SHF: variants seen among roughly 807,000 people sequenced by gnomAD.
SHF encodes the protein Src homology 2 domain containing F.
SHF carries 30 observed loss-of-function variants against 42.4 expected under a neutral mutation model. The ratio of observed to expected loss-of-function variants is 0.71; its 90% CI spans 0.53 to 0.96. The LOEUF (loss-of-function observed/expected upper bound fraction) is 0.96. Ranked by LOEUF, SHF falls within the 40% of genes least tolerant of loss-of-function variation. The probability of loss-of-function intolerance (pLI) is 0.00; values close to 1 mark genes in which losing one functional copy is unlikely to be tolerated. For missense variants in SHF, 598 were observed against 634.0 expected (o/e 0.94, Z 0.61); for synonymous variants, 264 against 269.9 (o/e 0.98, Z 0.21).
At position 45,187,576 on chromosome 15, in the gene SHF, C is replaced by A. The variant is rs1417167851; in HGVS notation, c.376G>T (p.Gly126Ter). Residue 126 changes from glycine to a stop codon, truncating the protein, a stop_gained, in exon 1 of 7, where the codon GGA (glycine) becomes TGA (stop). Coordinates refer to ENST00000690270, the MANE Select transcript of SHF (RefSeq NM_001394037.1). LOFTEE classifies it high-confidence loss of function. ...CCGTGGCGCGGGGGCGGCGTGGGTC[C>A]GGGGGCGACAGGGGTGGCGAGGGCG... ...SAALATPVAP[G>*]PTPPPRHGSP... 1 of 1,229,332 alleles carries A rather than the reference C, an allele frequency of 8.1e-7. No individual in the cohort carries two copies. Among genetic ancestry groups the A allele is most frequent in the Non-Finnish European group, 1.0e-6 (1 of 986,140 alleles). The allele number at this position is 1,229,332 out of a possible 1,614,324, so 76.2% of individuals were successfully genotyped here. A position where few individuals can be genotyped will look rare whatever the true frequency, so the allele number is the denominator to read the frequency against.
chr15:45,168,743 C>A (rs879538401), intron 6 of SHF, among the ~76,000 whole-genome samples: 2 of 152,218 alleles, frequency 1.3e-5, no homozygotes, highest in African/African-American at 2.4e-5. Context: ...GGGTCTTGGA[C>A]CAAGCCCCTA....
At chr15:45,188,042 A>T, upstream of SHF, 5 of 186,054 alleles carry the variant, frequency 2.7e-5, no homozygotes, top group Non-Finnish European at 5.2e-5. Flanking sequence ...CCGGGCGGGG[A>T]GGGGGCGGGG....
chr15:45,188,541 C>T (rs1898594488), upstream of SHF, among the ~76,000 whole-genome samples: 1 of 152,250 alleles, frequency 6.6e-6, no homozygotes, highest in Non-Finnish European at 1.5e-5. Flanking sequence ...CGTTACTTCC[C>T]GATCCAGGCA....
intron 2 of SHF, among the ~76,000 whole-genome samples, chr15:45,193,918 G>A (rs1898785332): frequency 1.3e-5 from 2 of 151,094 alleles, no homozygotes; most frequent in Admixed American, 1.3e-4. Context: ...AGGTAACATG[G>A]CGAAACCCCT....
chr15:45,175,850 G>A (rs1166478699), intron 2 of SHF, among the ~76,000 whole-genome samples: 1 of 123,938 alleles, frequency 8.1e-6, no homozygotes, highest in Non-Finnish European at 1.6e-5. Flanking sequence ...ACGGAATCTT[G>A]CTCTCTCACC....
upstream of SHF, among the ~76,000 whole-genome samples, chr15:45,189,493 A>G (rs1406661390): frequency 6.1e-5 from 9 of 148,164 alleles, no homozygotes; most frequent in African/African-American, 2.2e-4. Flanking sequence ...GGTTCAAGCA[A>G]TGCTCCCAGC....
chr15:45,185,804 G>A (rs1281277382), intron 1 of SHF, among the ~76,000 whole-genome samples: 3 of 152,222 alleles, frequency 2.0e-5, no homozygotes. Context: ...GCTGTGGCTA[G>A]GGGAGTCTCC....
intron 6 of SHF, chr15:45,170,894 C>T (rs1897452600): frequency 1.3e-5 from 2 of 157,706 alleles, no homozygotes; most frequent in African/African-American, 4.8e-5. Flanking sequence ...TCAGGTGATC[C>T]ACCTGCCACG....
intron 1 of SHF, chr15:45,200,679 G>C (rs368470885): frequency 8.8e-6 from 4 of 454,940 alleles, no homozygotes; most frequent in Non-Finnish European, 1.8e-5. Context: ...CACCAGACAC[G>C]GTGGCCGATT....
At chr15:45,175,804 TTTTC>T (rs1215126897) in intron 2 of SHF, among the ~76,000 whole-genome samples, 2 of 137,108 alleles carry the variant, frequency 1.5e-5, no homozygotes, top group Non-Finnish European at 3.1e-5. Flanking sequence ...ATCATTCCTT[TTTTC>T]TTTTTCTTTT....
At chr15:45,176,499 T>C (rs1027039075) in intron 2 of SHF, among the ~76,000 whole-genome samples, 1 of 152,006 alleles carries the variant, frequency 6.6e-6, no homozygotes, top group Non-Finnish European at 1.5e-5. Context: ...CACCCCCATT[T>C]GGCCTCTCCC....
exon 2 of SHF, chr15:45,199,113 T>A (rs1260943443): frequency 1.3e-6 from 2 of 1,513,398 alleles, no homozygotes; most frequent in African/African-American, 2.8e-5. Flanking sequence ...GTGGAGATTG[T>A]GGACACCCTA....
intron 2 of SHF, among the ~76,000 whole-genome samples, chr15:45,196,655 T>G (rs932711731): frequency 6.6e-6 from 1 of 151,852 alleles, no homozygotes; most frequent in African/African-American, 2.4e-5. Flanking sequence ...CCCGGCACTT[T>G]GGGAGGCCGA....
At chr15:45,169,178 AC>A (rs1474116831) in intron 6 of SHF, among the ~76,000 whole-genome samples, 1 of 151,950 alleles carries the variant, frequency 6.6e-6, no homozygotes, top group East Asian at 1.9e-4. Flanking sequence ...CCTGAGGTCC[AC>A]CCCCCGGAGA....
chr15:45,187,288 T>A (rs546323178), intron 1 of SHF, among the ~76,000 whole-genome samples, 166 bp downstream of exon 1: 71 of 152,226 alleles, frequency 4.7e-4, no homozygotes, highest in African/African-American at 1.7e-3. Context: ...CGGTTGAGAA[T>A]CTGAACAAAG....
upstream of SHF, among the ~76,000 whole-genome samples, chr15:45,191,930 A>AC (rs1898718832): frequency 7.0e-6 from 1 of 142,996 alleles, no homozygotes; most frequent in African/African-American, 2.5e-5. Flanking sequence ...TCTCTATTTA[A>AC]AAAAAAAAAA....
At chr15:45,171,739 GTCTCAGACA>G in intron 6 of SHF, 135 bp downstream of exon 6, 1 of 812,386 alleles carries the variant, frequency 1.2e-6, no homozygotes, top group Admixed American at 2.7e-5. Flanking sequence ...CAGGGGCTGA[GTCTCAGACA>G]TCTCAGGACC....
rs1275931129 is a variant in SHF, at chr15:45,187,787, C to T, written c.165G>A (p.Leu55=). 2.4e-6 allele frequency: 2 copies of T among 841,580 alleles called. No individual in the cohort carries two copies. The highest frequency in any genetic ancestry group is 3.6e-5 in the African/African-American group (2 of 55,782). The allele number at this position is 841,580 out of a possible 1,614,324, so 52.1% of individuals were successfully genotyped here. ...CGCCGCCGCCCCCCCCGCGGAAGCC[C>T]AGGTGCTCCCGGAGCCACTTGGCTA... The part of the protein sequence containing the change: ...GGVAKWLREH[L]GFRGGGGGGG... Residue 55 remains leucine (L), a synonymous_variant, in exon 1 of 7, where the codon CTG becomes CTA. Transcript: ENST00000690270.
Position 45,170,202 on chromosome 15 carries a change from C to T in SHF, c.1280+1681G>A, listed in dbSNP as rs555515150. 2 of 395,760 alleles carry T rather than the reference C, an allele frequency of 5.1e-6. 1 individual carries two copies. Among genetic ancestry groups the T allele is most frequent in the Admixed American group, 8.7e-5 (2 of 23,082 alleles). The allele number at this position is 395,760 out of a possible 1,614,324, so 24.5% of individuals were successfully genotyped here. ...GAATACCATAGTTTGTGGAGTCAGA[C>T]AGAGCTGGGTTCAAATCCTGGTTTG... On this transcript the variant is annotated intron_variant, in intron 6 of 6. Coordinates refer to ENST00000690270, the MANE Select transcript of SHF (RefSeq NM_001394037.1).
Sources: allele counts gnomAD v4.1 joint callset (sites outside exome capture counted in the v4.1 genomes callset), GRCh38; gene constraint gnomAD v4.1.1; transcripts MANE v1.5; gene names NCBI Gene and HGNC (gene_info 2026-07-23, HGNC 2026-07-21).